NKIRAS1: variants seen among roughly 807,000 people sequenced by gnomAD.
The protein encoded by NKIRAS1 is NFKB inhibitor interacting Ras like 1.
A neutral mutation model predicts 19.8 loss-of-function variants in NKIRAS1; 16 were observed. The observed-to-expected ratio is 0.81, with a 90% CI of 0.55 to 1.23. The LOEUF is 1.23. NKIRAS1 is among the 50% of genes most tolerant of loss of function. The probability of loss-of-function intolerance (pLI) is 0.00; values close to 1 mark genes in which losing one functional copy is unlikely to be tolerated. For missense variants in NKIRAS1, 184 were observed against 220.0 expected (o/e 0.84, Z 1.04); for synonymous variants, 88 against 79.0 (o/e 1.11, Z -0.61).
intron 1 of NKIRAS1, among the ~76,000 whole-genome samples, chr3:23,935,526 A>G (rs1377240883): frequency 6.6e-6 from 1 of 152,092 alleles, no homozygotes; most frequent in Non-Finnish European, 1.5e-5. Context: ...GGCTCAAGTA[A>G]TCCTCCAACC....
chr3:23,908,115 G>A (rs1286762143), intron 3 of NKIRAS1, among the ~76,000 whole-genome samples: 2 of 152,036 alleles, frequency 1.3e-5, no homozygotes, highest in African/African-American at 4.8e-5. Flanking sequence ...TGATGAAATT[G>A]GTATTTCATC....
intron 4 of NKIRAS1, among the ~76,000 whole-genome samples, chr3:23,896,828 T>C (rs1702044171): frequency 6.8e-6 from 1 of 147,006 alleles, no homozygotes. Context: ...AAAAAAAAAA[T>C]CTGGGTACTG....
intron 4 of NKIRAS1, 118 bp downstream of exon 4, chr3:23,900,690 G>T: frequency 1.4e-6 from 1 of 702,492 alleles, no homozygotes; most frequent in Non-Finnish European, 2.3e-6. Context: ...AAATTGTAAA[G>T]GTTTTACAGA....
In NKIRAS1 at chr3:23,926,935, A is replaced by G. The variant is rs972788375; in HGVS notation, c.-139-15485T>C. On this transcript the variant is annotated intron_variant, in intron 1 of 4. Transcript: ENST00000421515. This position sits in a 1 kb window ranked among gnomAD's most constrained non-coding sequence, Gnocchi z 4.3. ...GCCTGAAATACCAATAGGGGGTGAC[A>G]TGCACCAACAAGCTACACTTTGACC... Among the ~76,000 whole-genome samples, 3 of 152,170 alleles carry G rather than the reference A, an allele frequency of 2.0e-5. No homozygotes were observed. The highest frequency in any genetic ancestry group is 7.2e-5 in the African/African-American group (3 of 41,446).
chr3:23,930,956 T>A lies in NKIRAS1; in HGVS notation c.-140+15367A>T. The stretch of plus-strand genomic sequence containing the variant: ...TTGGCCTTCCAAAGTGCTGGGATTA[T>A]AGGCGTGAGCCACCACAGCCAGCCA... On this transcript the variant is annotated intron_variant, in intron 1 of 4. Coordinates refer to the NKIRAS1 transcript ENST00000421515. Among the ~76,000 whole-genome samples the A allele has an allele frequency of 1.3e-5, 2 of 151,836 alleles. 1 individual carries two copies. Among genetic ancestry groups the A allele is most frequent in the South Asian group, 4.2e-4 (2 of 4,804 alleles).
At chr3:23,918,673 C>G, upstream of NKIRAS1, 1 of 1,388,166 alleles carries the variant, frequency 7.2e-7, no homozygotes, top group African/African-American at 1.4e-5. Context: ...GGTGAGCTGT[C>G]TCGTATATAA....
intron 4 of NKIRAS1, among the ~76,000 whole-genome samples, chr3:23,899,559 A>G (rs1702297733): frequency 1.3e-5 from 2 of 152,300 alleles, no homozygotes; most frequent in East Asian, 3.9e-4. Flanking sequence ...GAAGATCTGG[A>G]GAAAGATTTG....
upstream of NKIRAS1, chr3:23,919,632 A>G (rs1357080525): frequency 3.5e-6 from 5 of 1,423,058 alleles, no homozygotes; most frequent in African/African-American, 5.7e-5. Flanking sequence ...TAAGAAAGTT[A>G]AAGTGCAATA....
intron 1 of NKIRAS1, among the ~76,000 whole-genome samples, chr3:23,929,011 AAAG>A (rs1188531674): frequency 6.8e-5 from 6 of 88,040 alleles, no homozygotes; most frequent in African/African-American, 2.0e-4. Context: ...AAAAAAAAAA[AAAG>A]AAAAGAAAAG....
chr3:23,943,220 T>A (rs1196155239), intron 1 of NKIRAS1, among the ~76,000 whole-genome samples: 1 of 152,208 alleles, frequency 6.6e-6, no homozygotes, highest in Non-Finnish European at 1.5e-5. Flanking sequence ...CTTTCTACTG[T>A]CTCCAGTTTT....
chr3:23,919,893 T>G (rs559742573), upstream of NKIRAS1: 17 of 994,192 alleles, frequency 1.7e-5, no homozygotes, highest in South Asian at 7.4e-4. Context: ...GTGGCTGCGT[T>G]TTTTTTAGTT....
upstream of NKIRAS1, chr3:23,919,920 T>C (rs1351770108): frequency 1.0e-6 from 1 of 990,268 alleles, no homozygotes; most frequent in East Asian, 1.1e-4. Flanking sequence ...GTGTAGACTT[T>C]TTAAGTTGGG....
chr3:23,917,510 A>G (rs754459208), upstream of NKIRAS1: 14 of 189,736 alleles, frequency 7.4e-5, no homozygotes, highest in Non-Finnish European at 1.4e-4. Flanking sequence ...TGGCCGCAGC[A>G]GTACCTTGTC....
chr3:23,918,401 T>G (rs1447495738), upstream of NKIRAS1: 1 of 1,603,330 alleles, frequency 6.2e-7, no homozygotes. Flanking sequence ...CCTTACGGCT[T>G]CCTATAAAAT....
upstream of NKIRAS1, chr3:23,920,273 A>T (rs1705001468): frequency 1.0e-6 from 1 of 985,664 alleles, no homozygotes; most frequent in Non-Finnish European, 1.2e-6. Context: ...TTAGGGGGAA[A>T]GTAGTTGGCT....
chr3:23,920,683 C>T (rs1454802748), upstream of NKIRAS1: 1 of 985,060 alleles, frequency 1.0e-6, no homozygotes, highest in Non-Finnish European at 1.2e-6. Context: ...CTAGGGGTTT[C>T]AAAAGACTCA....
intron 1 of NKIRAS1, among the ~76,000 whole-genome samples, chr3:23,934,408 A>T (rs1284481038): frequency 6.6e-6 from 1 of 152,196 alleles, no homozygotes; most frequent in Non-Finnish European, 1.5e-5. Flanking sequence ...TCATAATGAT[A>T]TGTCTCTTGT....
At chr3:23,946,345 T>G (rs891203523) in exon 1 of NKIRAS1, 2 of 969,474 alleles carry the variant, frequency 2.1e-6, no homozygotes, top group Non-Finnish European at 1.2e-6. Flanking sequence ...GAGGAGGAAG[T>G]GCAGGACGAG....
At chr3:23,932,559 A>T (rs1705336385) in intron 1 of NKIRAS1, among the ~76,000 whole-genome samples, 1 of 151,914 alleles carries the variant, frequency 6.6e-6, no homozygotes. Context: ...GTGGTGGTGC[A>T]TGCCTGTAAT....
Sources: gnomAD v4.1 joint callset for allele counts (sites outside exome capture counted in the v4.1 genomes callset) on GRCh38, gnomAD v4.1.1 for gene constraint, Gnocchi (gnomAD v3.1) non-coding constraint, MANE v1.5 for transcripts, NCBI Gene and HGNC (gene_info 2026-07-23, HGNC 2026-07-21) for gene names.